Variants in PIP5K1A observed in about 807,000 individuals in gnomAD.
The protein encoded by PIP5K1A is phosphatidylinositol 4-phosphate 5-kinase type-1 alpha.
A neutral mutation model predicts 72.9 loss-of-function variants in PIP5K1A; 46 were observed. That is an observed-to-expected ratio of 0.63 (90% CI 0.50 to 0.81). The LOEUF (loss-of-function observed/expected upper bound fraction) is 0.81. Ranked by LOEUF, PIP5K1A falls within the 30% of genes least tolerant of loss-of-function variation. PIP5K1A has a pLI of 0.00. For synonymous variants in PIP5K1A, 228 were observed against 255.1 expected, an observed-to-expected ratio of 0.89 and a Z score of 1.01; for missense variants, 458 against 706.1, an observed-to-expected ratio of 0.65 and a Z score of 3.98.
intron 3 of PIP5K1A, 37 bp from the exon 4 acceptor site, chr1:151,227,283 C>T (rs1689293579): frequency 1.6e-6 from 2 of 1,287,038 alleles, no homozygotes; most frequent in Admixed American, 3.4e-5. Flanking sequence ...TGGTGTCTTA[C>T]ATGGGAATTG....
chr1:151,198,188 T>C (rs1041728870), upstream of PIP5K1A: 3 of 446,414 alleles, frequency 6.7e-6, no homozygotes, highest in Non-Finnish European at 1.4e-5. Flanking sequence ...CTAAGAAGAG[T>C]TCTTGGTGGT....
chr1:151,208,561 A>G (rs1193139456), intron 1 of PIP5K1A, among the ~76,000 whole-genome samples: 2 of 149,878 alleles, frequency 1.3e-5, no homozygotes, highest in South Asian at 2.1e-4. Flanking sequence ...GGGTTTCACC[A>G]TGTTGGTCAG....
intron 1 of PIP5K1A, among the ~76,000 whole-genome samples, chr1:151,212,635 CATG>C (rs1296959085): frequency 6.6e-6 from 1 of 151,696 alleles, no homozygotes; most frequent in East Asian, 1.9e-4. Flanking sequence ...AGTACAGTGG[CATG>C]ATCTCTGCTT....
chr1:151,217,166 C>T (rs1687767527), intron 1 of PIP5K1A, among the ~76,000 whole-genome samples: 1 of 152,094 alleles, frequency 6.6e-6, no homozygotes, highest in South Asian at 2.1e-4. Flanking sequence ...ACCCACTAGG[C>T]CTCCCAAAGT....
At chr1:151,234,157 T>C in intron 7 of PIP5K1A, 40 bp from the exon 8 acceptor site, 1 of 1,509,022 alleles carries the variant, frequency 6.6e-7, no homozygotes, top group Non-Finnish European at 9.0e-7. Flanking sequence ...GAAAATCAGC[T>C]AAGTTGTTCT....
At chr1:151,219,251 C>G (rs1383592661) in intron 1 of PIP5K1A, among the ~76,000 whole-genome samples, 1 of 151,760 alleles carries the variant, frequency 6.6e-6, no homozygotes, top group Non-Finnish European at 1.5e-5. Context: ...TGTGGTGGTG[C>G]ACACCCGTAA....
intron 1 of PIP5K1A, among the ~76,000 whole-genome samples, chr1:151,203,150 G>A (rs587770277): frequency 6.6e-6 from 1 of 152,232 alleles, no homozygotes; most frequent in South Asian, 2.1e-4. Context: ...TTAGTGGTTG[G>A]GTTAGAAGGG....
chr1:151,220,538 G>T (rs994942897), intron 1 of PIP5K1A, among the ~76,000 whole-genome samples: 11 of 151,872 alleles, frequency 7.2e-5, no homozygotes, highest in Non-Finnish European at 1.5e-4. Flanking sequence ...TGCGATCTCA[G>T]CTTACTGCAA....
rs587629097 is a variant in PIP5K1A at position 151,248,121 on chromosome 1, G to A, written c.*256G>A. The A allele has an allele frequency of 1.0e-5, 5 of 490,056 alleles. No homozygotes were observed. The Admixed American group carries it at 1.2e-4, about 11-fold the overall frequency. 30.4% of individuals were successfully genotyped at this position (490,056 alleles called of 1,614,324 possible). A position where few individuals can be genotyped will look rare whatever the true frequency, so the allele number is the denominator to read the frequency against. On this transcript the variant is annotated 3_prime_UTR_variant, in exon 16 of 16. Transcript: ENST00000368888. ...CCTCCACTCCAGAGTTGGGTGGTAT[G>A]GATTTTCAACTGGCCAACCCTTTGC...
At chr1:151,214,332 T>A (rs1351021086) in intron 1 of PIP5K1A, among the ~76,000 whole-genome samples, 1 of 152,130 alleles carries the variant, frequency 6.6e-6, no homozygotes, top group East Asian at 1.9e-4. Context: ...TACATAATGA[T>A]TTTTAAGGCT....
chr1:151,199,148 A>G (rs762296641), intron 1 of PIP5K1A, 67 bp downstream of exon 1: 1 of 1,610,488 alleles, frequency 6.2e-7, no homozygotes. Context: ...AGCGAGACCT[A>G]AGAGGGTACC....
chr1:151,203,947 G>A (rs1174131725), intron 1 of PIP5K1A, among the ~76,000 whole-genome samples: 2 of 152,002 alleles, frequency 1.3e-5, no homozygotes, highest in East Asian at 1.9e-4. Flanking sequence ...ATTTTATCAT[G>A]TGCACAAATG....
At position 151,198,863 on chromosome 1, in the gene PIP5K1A, G is replaced by C. The variant is rs1011054304; in HGVS notation, c.-134G>C. On this transcript the variant is annotated 5_prime_UTR_variant, in exon 1 of 16. Coordinates refer to ENST00000368888, the MANE Select transcript of PIP5K1A (RefSeq NM_001135638.2). Reference sequence around the variant, plus strand: ...GAGCCGGCTCGACGTGTCTGAGGGAGGCCCCGGAGGGGGCGGGGAGGTGGC... The same window carrying C: ...GAGCCGGCTCGACGTGTCTGAGGGACGCCCCGGAGGGGGCGGGGAGGTGGC... 3 of 821,136 alleles carry C rather than the reference G, an allele frequency of 3.7e-6. No individual in the cohort carries two copies. Among genetic ancestry groups the C allele is most frequent in the Non-Finnish European group, 6.1e-6 (3 of 495,598 alleles). 50.9% of individuals were successfully genotyped at this position (821,136 alleles called of 1,614,324 possible). A position where few individuals can be genotyped will look rare whatever the true frequency, so the allele number is the denominator to read the frequency against.
In PIP5K1A at chr1:151,236,754, C is replaced by T; in HGVS notation, c.1136C>T (p.Thr379Ile). The change falls in exon 9 of 16, where the codon ACT becomes ATT. Residue 379 changes from threonine to isoleucine, a missense_variant. Thr to Ile is a moderately conservative substitution (Grantham distance 89). Transcript: ENST00000368888. ...GEARRGGTME[T>I]DDHMGGIPAR... ...GCTCGACGGGGTGGTACCATGGAGACTGATGACCAGTAAGTGGGCTCAGGG... is the reference window on the plus strand; with the variant it reads ...GCTCGACGGGGTGGTACCATGGAGATTGATGACCAGTAAGTGGGCTCAGGG... 1 of 1,612,014 alleles carries T rather than the reference C, an allele frequency of 6.2e-7. No homozygotes were observed. Among genetic ancestry groups the T allele is most frequent in the Non-Finnish European group, 8.5e-7 (1 of 1,179,046 alleles).
upstream of PIP5K1A, among the ~76,000 whole-genome samples, chr1:151,198,332 G>T (rs983551405): frequency 5.0e-4 from 76 of 152,082 alleles, 1 homozygote; most frequent in African/African-American, 1.7e-3. Context: ...CAGATCACTC[G>T]ACCCAGTCCT....
At position 151,199,044 on chromosome 1, in the gene PIP5K1A, C is replaced by G; in HGVS notation, c.48C>G (p.Ser16=). The change falls in exon 1 of 16, where the codon TCC becomes TCG. Residue 16 remains serine (S), a synonymous_variant. Transcript: ENST00000368888. ...CGTCGTCTTCGGTCGGTTTTTCATC[C>G]TTTGATCCCGCGGTCCCTTCCTGTA... The part of the protein sequence containing the change: ...SGPSSSVGFS[S]FDPAVPSCTL... 1 of 1,614,186 alleles carries G rather than the reference C, an allele frequency of 6.2e-7. No homozygotes were observed.
At position 151,241,329 on chromosome 1, in the gene PIP5K1A, G is replaced by A. The variant is rs182751475; in HGVS notation, c.1364-794G>A. ...ATCCTGGCTAACACGGTGAAACCCCGTCTCTACTAAAAATACAAAAAAAAA... is the reference window on the plus strand; with the variant it reads ...ATCCTGGCTAACACGGTGAAACCCCATCTCTACTAAAAATACAAAAAAAAA... On this transcript the variant is annotated intron_variant, in intron 12 of 15. Coordinates refer to ENST00000368888, the MANE Select transcript of PIP5K1A (RefSeq NM_001135638.2). Among the ~76,000 whole-genome samples the A allele has an allele frequency of 4.4e-3, 664 of 151,892 alleles. 2 individuals carry two copies. The highest frequency in any genetic ancestry group is 0.017 in the Middle Eastern group (5 of 294).
chr1:151,196,924 G>T (rs1490007123), upstream of PIP5K1A, among the ~76,000 whole-genome samples: 1 of 138,284 alleles, frequency 7.2e-6, no homozygotes, highest in African/African-American at 2.7e-5. Flanking sequence ...GCAATGGCGC[G>T]ATCTTGGCTC....
intron 1 of PIP5K1A, among the ~76,000 whole-genome samples, chr1:151,217,692 C>T (rs1687839062): frequency 2.0e-5 from 3 of 152,204 alleles, no homozygotes; most frequent in Admixed American, 6.5e-5. Flanking sequence ...GGCCATCTTC[C>T]CACCTCAGCC....
Sources: gnomAD v4.1 joint callset for allele counts (sites outside exome capture counted in the v4.1 genomes callset) on GRCh38, gnomAD v4.1.1 for gene constraint, MANE v1.5 for transcripts, NCBI Gene and HGNC (gene_info 2026-07-23, HGNC 2026-07-21) for gene names.